CHFR: variants seen among roughly 807,000 people sequenced by gnomAD.
CHFR encodes the protein checkpoint with forkhead and ring finger domains.
A neutral mutation model predicts 87.6 loss-of-function variants in CHFR; 57 were observed. That is an observed-to-expected ratio of 0.65 (90% CI 0.53 to 0.81). The LOEUF (loss-of-function observed/expected upper bound fraction) is 0.81. Among genes scored for constraint, CHFR ranks in the 30% least tolerant of loss-of-function variants. CHFR has a pLI of 0.00. For missense variants in CHFR, 797 were observed against 865.8 expected (o/e 0.92, Z 1.00); for synonymous variants, 381 against 359.2 (o/e 1.06, Z -0.69).
At chr12:132,849,299 C>T (rs903322346) in intron 12 of CHFR, 2 of 151,184 alleles carry the variant, frequency 1.3e-5, no homozygotes, top group Non-Finnish European at 2.9e-5. Flanking sequence ...TGATGCACTG[C>T]ACCCGGCCTC....
Position 132,836,812 on chromosome 12 carries a change from G to A in CHFR, c.*4742C>T, listed in dbSNP as rs1950651219. 2.2e-6 allele frequency: 1 copy of A among 455,122 alleles called. No homozygotes were observed. Among genetic ancestry groups the A allele is most frequent in the South Asian group, 1.6e-5 (1 of 64,460 alleles). 28.2% of individuals were successfully genotyped at this position (455,122 alleles called of 1,614,324 possible). On this transcript the variant is annotated 3_prime_UTR_variant, in exon 18 of 18. Coordinates refer to ENST00000450056, the MANE Select transcript of CHFR (RefSeq NM_001161346.2). ...CAGGGGACGGCTCATCAGCTCATCA[G>A]ACCTTCACCGTTCAGTAGCCAACTG...
At chr12:132,871,218 G>A (rs28495242) in intron 4 of CHFR, among the ~76,000 whole-genome samples, 23,098 of 152,206 alleles carry the variant, frequency 0.15, 2,267 homozygotes, top group South Asian at 0.22. Flanking sequence ...CTGGGAGGCC[G>A]AGGCGGGCGG....
Position 132,861,558 on chromosome 12 carries a change from TGAGGCAAAGCTG to T in CHFR, c.648_659del (p.Ser217_Ser220del). On this transcript the variant is annotated inframe_deletion, in exon 7 of 18. Transcript: ENST00000450056. ...ACGCAGTCTTTCTGTCTGGGAGAGC[TGAGGCAAAGCTG>T]GAGACTTCATCACTTGCCACAGAGG... 1 of 1,614,218 alleles carries T rather than the reference TGAGGCAAAGCTG, an allele frequency of 6.2e-7. No individual in the cohort carries two copies. Among genetic ancestry groups the T allele is most frequent in the Non-Finnish European group, 8.5e-7 (1 of 1,180,044 alleles).
chr12:132,877,803 A>AGT, intron 2 of CHFR, 149 bp from the exon 3 acceptor site: 2 of 488,290 alleles, frequency 4.1e-6, no homozygotes, highest in East Asian at 7.4e-5. Context: ...GACATAAAGA[A>AGT]ATTTTTTTTT....
In CHFR at chr12:132,848,993, C is replaced by A. The variant is rs1950884440; in HGVS notation, c.1493-269G>T. On this transcript the variant is annotated intron_variant, in intron 12 of 17. Transcript: ENST00000450056. ...ATGGAGTCTCGCTCTGTGGCCCAGG[C>A]TGGAGTACAGGGGAACAATCACAGC... is the stretch of plus-strand genomic sequence containing the variant. 6 of 425,370 alleles carry A rather than the reference C, an allele frequency of 1.4e-5. No homozygotes were observed. The South Asian group carries it at 2.0e-4, about 14-fold the overall frequency. 26.3% of individuals were successfully genotyped at this position (425,370 alleles called of 1,614,324 possible).
intron 8 of CHFR, 43 bp from the exon 9 acceptor site, chr12:132,857,602 G>A: frequency 6.3e-7 from 1 of 1,595,180 alleles, no homozygotes. Flanking sequence ...TCCCACAGAT[G>A]CAACCGCGAC....
Position 132,887,343 on chromosome 12 carries a change from GC to G in CHFR, c.-12-4del. The stretch of plus-strand genomic sequence containing the variant: ...GGCCGCTCCATCGGGATTCACATCT[GC>G]GGAGACCCCGGAAACGCCCATGGAG... On this transcript the variant is annotated splice_polypyrimidine_tract_variant and splice_region_variant and intron_variant, in intron 1 of 17. Coordinates refer to ENST00000450056, the MANE Select transcript of CHFR (RefSeq NM_001161346.2). 1 of 1,417,946 alleles carries G rather than the reference GC, an allele frequency of 7.1e-7. No individual in the cohort carries two copies. 87.8% of individuals were successfully genotyped at this position (1,417,946 alleles called of 1,614,324 possible). A position where few individuals can be genotyped will look rare whatever the true frequency, so the allele number is the denominator to read the frequency against.
intron 3 of CHFR, among the ~76,000 whole-genome samples, chr12:132,874,080 A>G (rs1198769316): frequency 6.6e-6 from 1 of 152,168 alleles, no homozygotes; most frequent in Non-Finnish European, 1.5e-5. Context: ...CAGAGAACAA[A>G]TTCTCCCCTG....
chr12:132,879,016 T>G (rs1206319590), intron 2 of CHFR, among the ~76,000 whole-genome samples: 2 of 148,702 alleles, frequency 1.3e-5, no homozygotes, highest in South Asian at 2.2e-4. Flanking sequence ...TTTGTTTTTT[T>G]TTTTTTGAGA....
chr12:132,866,552 C>T (rs899480111), intron 6 of CHFR: 1 of 149,906 alleles, frequency 6.7e-6, no homozygotes, highest in Non-Finnish European at 1.5e-5. Context: ...TTACAACACA[C>T]CGCGATTGTT....
intron 10 of CHFR, chr12:132,854,406 A>G (rs1383721511): frequency 6.6e-6 from 1 of 152,228 alleles, no homozygotes; most frequent in Non-Finnish European, 1.5e-5. Context: ...ACGTCTAAAC[A>G]TTGACGTCAC....
At chr12:132,848,417 G>C (rs1950872148) in intron 13 of CHFR, 1 of 716,270 alleles carries the variant, frequency 1.4e-6, no homozygotes, top group African/African-American at 1.8e-5. Flanking sequence ...CAAGGATTCT[G>C]TCCTGGGAGT....
In CHFR at chr12:132,847,102, C is replaced by T. The variant is rs1378971375; in HGVS notation, c.1676G>A (p.Trp559Ter). The change falls in exon 15 of 18, where the codon TGG becomes TAG. Residue 559 changes from tryptophan (W) to a stop codon, truncating the protein, a stop_gained. Coordinates refer to ENST00000450056, the MANE Select transcript of CHFR (RefSeq NM_001161346.2). LOFTEE classifies it high-confidence loss of function. ...KNYLATRGLT[W>*]KNMLTESLVA... ...GAGGCTCTCGGTCAACATGTTTTTC[C>T]ATGTCAAACCTCTGGTTGCCAGGTA... The T allele has an allele frequency of 1.9e-6, 3 of 1,613,690 alleles. No homozygotes were observed. The highest frequency in any genetic ancestry group is 2.5e-6 in the Non-Finnish European group (3 of 1,179,880).
At chr12:132,863,763 CTCTA>C (rs951935666) in intron 6 of CHFR, among the ~76,000 whole-genome samples, 8 of 152,030 alleles carry the variant, frequency 5.3e-5, no homozygotes, top group Non-Finnish European at 7.4e-5. Context: ...TTCTAATCAC[CTCTA>C]TCTTTTTTTT....
rs1368839147 is a variant in CHFR at position 132,835,338 on chromosome 12, G to A, written c.*6216C>T. 3 of 152,234 alleles carry A rather than the reference G, an allele frequency of 2.0e-5. No homozygotes were observed. The highest frequency in any genetic ancestry group is 6.5e-5 in the Admixed American group (1 of 15,272). 9.4% of individuals were successfully genotyped at this position (152,234 alleles called of 1,614,324 possible). Reference sequence around the variant, plus strand: ...TGGCAGAGTGTTACAATATGTTCAAGCCCTAAATCCCAGGACCTCAGAGGT... The same window carrying A: ...TGGCAGAGTGTTACAATATGTTCAAACCCTAAATCCCAGGACCTCAGAGGT... On this transcript the variant is annotated 3_prime_UTR_variant, in exon 18 of 18. Coordinates refer to ENST00000450056, the MANE Select transcript of CHFR (RefSeq NM_001161346.2).
intron 7 of CHFR, among the ~76,000 whole-genome samples, chr12:132,860,331 T>C (rs1951184684): frequency 6.6e-6 from 1 of 152,196 alleles, no homozygotes; most frequent in South Asian, 2.1e-4. Flanking sequence ...TGTATTTGTA[T>C]TATTATGCTT....
intron 8 of CHFR, among the ~76,000 whole-genome samples, chr12:132,858,725 T>C (rs1370421019): frequency 7.5e-5 from 2 of 26,788 alleles, no homozygotes; most frequent in South Asian, 2.6e-3. Context: ...AGACTCCATC[T>C]AAAAAAAAAA....
In CHFR at chr12:132,835,457, T is replaced by G. The variant is rs1450072020; in HGVS notation, c.*6097A>C. 2 of 153,866 alleles carry G rather than the reference T, an allele frequency of 1.3e-5. No homozygotes were observed. Among genetic ancestry groups the G allele is most frequent in the African/African-American group, 2.4e-5 (1 of 41,380 alleles). 9.5% of individuals were successfully genotyped at this position (153,866 alleles called of 1,614,324 possible). On this transcript the variant is annotated 3_prime_UTR_variant, in exon 18 of 18. Coordinates refer to ENST00000450056, the MANE Select transcript of CHFR (RefSeq NM_001161346.2). ...CTTCTCTATATCGTTCCAGTTTTAG[T>G]AGGTGTGGTCTTTAAAGAGGTGATT...
chr12:132,859,374 A>G, intron 7 of CHFR, 147 bp from the exon 8 acceptor site: 3 of 807,812 alleles, frequency 3.7e-6, no homozygotes, highest in Non-Finnish European at 5.8e-6. Context: ...TTTTCGAGAC[A>G]GAGTCTCGCT....
Sources: gnomAD v4.1 joint callset for allele counts (sites outside exome capture counted in the v4.1 genomes callset) on GRCh38, gnomAD v4.1.1 for gene constraint, MANE v1.5 for transcripts, NCBI Gene and HGNC (gene_info 2026-07-23, HGNC 2026-07-21) for gene names.